Variants in PYROXD1 observed in about 807,000 individuals in gnomAD.
PYROXD1 encodes the protein pyridine nucleotide-disulphide oxidoreductase domain 1.
In PYROXD1, 42 loss-of-function variants were observed where a neutral mutation model predicts 62.0. The ratio of observed to expected loss-of-function variants is 0.68; its 90% CI spans 0.53 to 0.88. PYROXD1 has a LOEUF of 0.88. Among genes scored for constraint, PYROXD1 ranks in the 40% least tolerant of loss-of-function variants. PYROXD1 has a pLI of 0.00. For synonymous variants in PYROXD1, 170 were observed against 206.4 expected, an observed-to-expected ratio of 0.82 and a Z score of 1.51; for missense variants, 493 against 604.8, an observed-to-expected ratio of 0.82 and a Z score of 1.94.
chr12:21,470,060 A>G lies in PYROXD1; in HGVS notation c.*1306A>G. On this transcript the variant is annotated 3_prime_UTR_variant, in exon 12 of 12. Transcript: ENST00000240651. ...TTCTCAAAAGTTTAGATCTTCAGAG[A>G]TAAGCTCTGAAAATATAGATCCATA... is the stretch of plus-strand genomic sequence containing the variant. 1 of 641,992 alleles carries G rather than the reference A, an allele frequency of 1.6e-6. No individual in the cohort carries two copies. Among genetic ancestry groups the G allele is most frequent in the South Asian group, 3.0e-5 (1 of 33,822 alleles). The allele number at this position is 641,992 out of a possible 1,614,324, so 39.8% of individuals were successfully genotyped here. A position where few individuals can be genotyped will look rare whatever the true frequency, so the allele number is the denominator to read the frequency against.
intron 3 of PYROXD1, chr12:21,447,772 G>A (rs1271872739): frequency 6.1e-6 from 1 of 164,292 alleles, no homozygotes; most frequent in African/African-American, 2.4e-5. Flanking sequence ...GGATCACGAG[G>A]TCAGGAGGTC....
intron 9 of PYROXD1, 66 bp from the exon 10 acceptor site, chr12:21,462,674 A>G: frequency 6.4e-7 from 1 of 1,551,626 alleles, no homozygotes; most frequent in Non-Finnish European, 8.8e-7. Flanking sequence ...TTGTTCTTTT[A>G]CTTTAAAATG....
chr12:21,442,450 G>A (rs1439521371), intron 2 of PYROXD1, among the ~76,000 whole-genome samples: 2 of 152,228 alleles, frequency 1.3e-5, no homozygotes, highest in Non-Finnish European at 2.9e-5. Flanking sequence ...AGCTGAGCCA[G>A]TGCCTAGATT....
intron 3 of PYROXD1, among the ~76,000 whole-genome samples, chr12:21,446,871 C>T (rs969151427): frequency 3.9e-5 from 6 of 151,918 alleles, no homozygotes; most frequent in African/African-American, 9.7e-5. Flanking sequence ...GCTGTGATTG[C>T]GCCACTGCAC....
chr12:21,437,766 G>A lies in PYROXD1; in HGVS notation c.36G>A (p.Lys12=), dbSNP rs1745545535. Residue 12 remains lysine, a synonymous_variant, in exon 1 of 12, where the codon AAG becomes AAA. Coordinates refer to ENST00000240651, the MANE Select transcript of PYROXD1 (RefSeq NM_024854.5). ...EAARPPPTAG[K]FVVVGGGIAG... ...CGCGCCCTCCCCCGACGGCAGGGAA[G>A]TTCGTGGTGGTCGGCGGCGGCATCG... 6.2e-7 allele frequency: 1 copy of A among 1,613,338 alleles called. No individual in the cohort carries two copies. The highest frequency in any genetic ancestry group is 1.3e-5 in the African/African-American group (1 of 75,076).
Position 21,455,322 on chromosome 12 carries a change from C to G in PYROXD1, c.649+30C>G, listed in dbSNP as rs750979132. On this transcript the variant is annotated intron_variant, in intron 6 of 11. Transcript: ENST00000240651. ...GTGTAGCACCTAGCTCATTAATTCT[C>G]ATACAAAACTTTTTTAAAACCATAT... The G allele has an allele frequency of 5.2e-6, 7 of 1,356,628 alleles. No homozygotes were observed. In the South Asian group the frequency reaches 1.5e-4, roughly 29 times the overall value. The allele number at this position is 1,356,628 out of a possible 1,614,324, so 84.0% of individuals were successfully genotyped here.
intron 5 of PYROXD1, among the ~76,000 whole-genome samples, chr12:21,452,851 C>T (rs1015422282): frequency 2.0e-5 from 3 of 151,718 alleles, no homozygotes; most frequent in African/African-American, 7.3e-5. Flanking sequence ...AAATTTGAAT[C>T]AAAATAAGGA....
intron 10 of PYROXD1, among the ~76,000 whole-genome samples, chr12:21,464,137 GTTTT>G (rs34682004): frequency 5.0e-4 from 73 of 146,884 alleles, no homozygotes; most frequent in African/African-American, 1.6e-3. Context: ...GAGTTTATGG[GTTTT>G]TTTTTTTTTA....
intron 3 of PYROXD1, 83 bp downstream of exon 3, chr12:21,445,549 C>T (rs1942370891): frequency 1.5e-6 from 2 of 1,304,428 alleles, no homozygotes; most frequent in East Asian, 5.2e-5. Context: ...TCCAGCTCTA[C>T]TACCACCACC....
chr12:21,465,865 C>A lies in PYROXD1; in HGVS notation c.1117-1616C>A, dbSNP rs983622506. Among the ~76,000 whole-genome samples, 188 of 152,100 alleles carry A rather than the reference C, an allele frequency of 1.2e-3. 1 individual carries two copies. The South Asian group carries it at 0.026, about 21-fold the overall frequency. On this transcript the variant is annotated intron_variant, in intron 10 of 11. Transcript: ENST00000240651. ...TGTATAAGGTGTAAGGAAGGGATCC[C>A]GTTTCAGCTTTCTACATATGGCTAG...
intron 1 of PYROXD1, chr12:21,438,439 C>T (rs1469801063): frequency 6.6e-6 from 1 of 152,130 alleles, no homozygotes; most frequent in Non-Finnish European, 1.5e-5. Context: ...GCACCCGGCC[C>T]TCAGCCCCCT....
chr12:21,468,615 G>T lies in PYROXD1; in HGVS notation c.1364G>T (p.Arg455Leu), dbSNP rs752999723. ...ATCAAAGTCGTCATGCAAAATGGAC[G>T]AATGATGGGAGCTGTCTTAATTGGT... is the stretch of plus-strand genomic sequence containing the variant. ...EYIKVVMQNG[R>L]MMGAVLIGET... is the part of the protein sequence containing the mutation. Residue 455 changes from arginine (R) to leucine (L), a missense_variant, in exon 12 of 12, where the codon CGA becomes CTA. Transcript: ENST00000240651. The T allele has an allele frequency of 3.5e-5, 56 of 1,612,922 alleles. No individual in the cohort carries two copies. The highest frequency in any genetic ancestry group is 4.2e-6 in the Non-Finnish European group (5 of 1,179,390).
chr12:21,464,642 G>A (rs973298770), intron 10 of PYROXD1, among the ~76,000 whole-genome samples: 22 of 152,012 alleles, frequency 1.4e-4, no homozygotes, highest in African/African-American at 5.1e-4. Context: ...TACGTTTCAG[G>A]TAAATGAACC....
intron 10 of PYROXD1, among the ~76,000 whole-genome samples, chr12:21,463,205 T>C (rs1028873871): frequency 1.3e-5 from 2 of 152,186 alleles, no homozygotes; most frequent in African/African-American, 4.8e-5. Context: ...GTATGTCACA[T>C]GAGCACTTGA....
In PYROXD1 at chr12:21,468,377, A is replaced by G. The variant is rs570671984; in HGVS notation, c.1255-129A>G. On this transcript the variant is annotated intron_variant, in intron 11 of 11. Transcript: ENST00000240651. Reference sequence around the variant, plus strand: ...AACATTTTCTTTGGGACTCTCCCCAATAACATTTTTAGTTATGAAATTTTG... The same window carrying G: ...AACATTTTCTTTGGGACTCTCCCCAGTAACATTTTTAGTTATGAAATTTTG... 2.5e-5 allele frequency: 20 copies of G among 797,356 alleles called. No individual in the cohort carries two copies. In the Admixed American group the frequency reaches 2.7e-4, roughly 11 times the overall value. The allele number at this position is 797,356 out of a possible 1,614,324, so 49.4% of individuals were successfully genotyped here. A position where few individuals can be genotyped will look rare whatever the true frequency, so the allele number is the denominator to read the frequency against.
rs781588616 is a variant in PYROXD1 at position 21,437,742 on chromosome 12, G to A, written c.12G>A (p.Ala4=). 12 of 1,612,270 alleles carry A rather than the reference G, an allele frequency of 7.4e-6. No homozygotes were observed. Among genetic ancestry groups the A allele is most frequent in the Non-Finnish European group, 1.0e-5 (12 of 1,179,496 alleles). The change falls in exon 1 of 12, where the codon GCG becomes GCA. Residue 4 remains alanine (A), a synonymous_variant. Transcript: ENST00000240651. MEA[A]RPPPTAGKFV... ...GGGAGTCCGGCAGCATGGAGGCAGC[G>A]CGCCCTCCCCCGACGGCAGGGAAGT...
intron 10 of PYROXD1, among the ~76,000 whole-genome samples, chr12:21,464,816 G>A (rs1942762585): frequency 6.6e-6 from 1 of 151,606 alleles, no homozygotes; most frequent in Non-Finnish European, 1.5e-5. Context: ...ATGTTGGTGT[G>A]CTGCACCCCC....
chr12:21,440,509 CAGTT>C (rs779439972), intron 2 of PYROXD1, 61 bp downstream of exon 2: 10 of 877,938 alleles, frequency 1.1e-5, no homozygotes, highest in South Asian at 4.6e-5. Flanking sequence ...ACTTGCATAG[CAGTT>C]AGGGTAATTG....
intron 1 of PYROXD1, among the ~76,000 whole-genome samples, chr12:21,438,911 TGGAA>T (rs1591932850): frequency 1.3e-5 from 2 of 152,182 alleles, no homozygotes; most frequent in East Asian, 3.8e-4. Flanking sequence ...CACAGCCTGC[TGGAA>T]GAGACAATAT....
Sources: gnomAD v4.1 joint callset for allele counts (sites outside exome capture counted in the v4.1 genomes callset) on GRCh38, gnomAD v4.1.1 for gene constraint, MANE v1.5 for transcripts, NCBI Gene and HGNC (gene_info 2026-07-23, HGNC 2026-07-21) for gene names.